The following SLITRK5 variants were observed in gnomAD, a reference collection of about 807,000 sequenced individuals.
The protein encoded by SLITRK5 is SLIT and NTRK like family member 5.
Under a neutral mutation model 56.2 loss-of-function variants are expected in SLITRK5, and 23 were observed. The observed-to-expected ratio is 0.41, with a 90% CI of 0.29 to 0.58. SLITRK5 has a LOEUF of 0.58. SLITRK5 is among the 20% of genes least tolerant of loss of function. The probability of loss-of-function intolerance (pLI) is 0.30; values close to 1 mark genes in which losing one functional copy is unlikely to be tolerated. For missense variants in SLITRK5, 1,289 were observed against 1,226.6 expected, an observed-to-expected ratio of 1.05 and a Z score of -0.76; for synonymous variants, 637 against 531.8, an observed-to-expected ratio of 1.20 and a Z score of -2.72.
At chr13:87,674,919 C>T (rs980567090) in intron 1 of SLITRK5, among the ~76,000 whole-genome samples, 23 of 124,478 alleles carry the variant, frequency 1.8e-4, no homozygotes, top group African/African-American at 5.8e-4. Context: ...GAGACCTTCA[C>T]GGTGAACTGT....
intron 1 of SLITRK5, among the ~76,000 whole-genome samples, chr13:87,675,069 G>A (rs970338528): frequency 1.3e-5 from 2 of 151,650 alleles, no homozygotes; most frequent in Admixed American, 6.6e-5. Flanking sequence ...GTATATTTAT[G>A]GATTGGTTTT....
Position 87,678,086 on chromosome 13 carries a change from C to G in SLITRK5, c.2698C>G (p.Gln900Glu), listed in dbSNP as rs1408605460. The change falls in exon 2 of 2, where the codon CAG (glutamine) becomes GAG (glutamate). Residue 900 changes from glutamine to glutamate, a missense_variant. Transcript: ENST00000683689. ...SPNYDLRRPH[Q>E]YLHPGAGDSR... ...CAACTATGACCTGAGACGCCCCCAT[C>G]AGTATTTGCACCCGGGGGCAGGGGA... 1 of 1,614,066 alleles carries G rather than the reference C, an allele frequency of 6.2e-7. No individual in the cohort carries two copies. The highest frequency in any genetic ancestry group is 2.2e-5 in the East Asian group (1 of 44,888).
chr13:87,671,452 C>G lies in SLITRK5; in HGVS notation c.-766C>G, dbSNP rs532616826. On this transcript the variant is annotated 5_prime_UTR_variant, in exon 1 of 2. Transcript: ENST00000683689. ...AGAGGCGCGACAATAAACAAGTGCA[C>G]TGGACTGGGCCCTGCACCCGCTCCG... Among the ~76,000 whole-genome samples, 22 of 152,244 alleles carry G rather than the reference C, an allele frequency of 1.4e-4. 1 individual carries two copies. The East Asian group carries it at 4.3e-3, about 30-fold the overall frequency.
In SLITRK5 at chr13:87,676,322, T is replaced by A; in HGVS notation, c.934T>A (p.Ser312Thr). ...GGGGTATTTACACACCACCCCGGCG[T>A]CAGTGAATTCTGTGGCCACTTCTTC... ...TTGYLHTTPASVNSVATSSSA... is the reference protein window; with the variant it reads ...TTGYLHTTPATVNSVATSSSA... The change falls in exon 2 of 2, where the codon TCA (serine) becomes ACA (threonine). Residue 312 changes from serine to threonine, a missense_variant. Transcript: ENST00000683689. The A allele has an allele frequency of 6.2e-7, 1 of 1,614,002 alleles. No homozygotes were observed. The highest frequency in any genetic ancestry group is 8.5e-7 in the Non-Finnish European group (1 of 1,180,008).
At position 87,678,333 on chromosome 13, in the gene SLITRK5, A is replaced by T; in HGVS notation, c.*68A>T. ...AAGCAAGCAGACACACACAGTGAAC[A>T]CATTTGATTAATTGTGTTGTTTCAA... On this transcript the variant is annotated 3_prime_UTR_variant, in exon 2 of 2. Transcript: ENST00000683689. 7.2e-7 allele frequency: 1 copy of T among 1,385,608 alleles called. No individual in the cohort carries two copies. Among genetic ancestry groups the T allele is most frequent in the Non-Finnish European group, 9.9e-7 (1 of 1,010,292 alleles). The allele number at this position is 1,385,608 out of a possible 1,614,324, so 85.8% of individuals were successfully genotyped here.
rs149713938 is a variant in SLITRK5 at position 87,671,640 on chromosome 13, C to T, written c.-578C>T. On this transcript the variant is annotated 5_prime_UTR_variant, in exon 1 of 2. Coordinates refer to ENST00000683689, the MANE Select transcript of SLITRK5 (RefSeq NM_001384609.1). Reference sequence around the variant, plus strand: ...GTTGCTGCCCGCCCCCCCCTTCCCCCAGAAACCCCAAAGGATGTCGGTGAT... The same window carrying T: ...GTTGCTGCCCGCCCCCCCCTTCCCCTAGAAACCCCAAAGGATGTCGGTGAT... Among the ~76,000 whole-genome samples the T allele has an allele frequency of 0.012, 1,889 of 152,190 alleles. 26 individuals carry two copies. Among genetic ancestry groups the T allele is most frequent in the Non-Finnish European group, 0.016 (1,122 of 68,008 alleles).
Position 87,677,563 on chromosome 13 carries a change from C to A in SLITRK5, c.2175C>A (p.Gly725=). The change falls in exon 2 of 2, where the codon GGC becomes GGA. Residue 725 remains glycine (G), a synonymous_variant. Transcript: ENST00000683689. This position sits in a 1 kb window ranked among gnomAD's most constrained non-coding sequence, Gnocchi z 4.7. Reference sequence around the variant, plus strand: ...ACGGCGGCGGCGGCGGCACGGGCGGCCACCCACACGCGCACGTGCATCACC... The same window carrying A: ...ACGGCGGCGGCGGCGGCACGGGCGGACACCCACACGCGCACGTGCATCACC... ...SVYGGGGGTG[G]HPHAHVHHRG... The A allele has an allele frequency of 6.2e-7, 1 of 1,608,800 alleles. No individual in the cohort carries two copies. Among genetic ancestry groups the A allele is most frequent in the Non-Finnish European group, 8.5e-7 (1 of 1,176,808 alleles).
chr13:87,674,990 G>A (rs1877206790), intron 1 of SLITRK5, among the ~76,000 whole-genome samples: 1 of 151,712 alleles, frequency 6.6e-6, no homozygotes, highest in Non-Finnish European at 1.5e-5. Flanking sequence ...GTGAGGTGGG[G>A]AACCTTGTAA....
In SLITRK5 at chr13:87,676,231, G is replaced by A. The variant is rs1487550431; in HGVS notation, c.843G>A (p.Gln281=). 1.2e-6 allele frequency: 2 copies of A among 1,614,136 alleles called. No homozygotes were observed. The highest frequency in any genetic ancestry group is 1.7e-6 in the Non-Finnish European group (2 of 1,180,032). The change falls in exon 2 of 2, where the codon CAG becomes CAA. Residue 281 remains glutamine (Q), a synonymous_variant. Transcript: ENST00000683689. ...HGRDLDEVSK[Q]ELCPRRLISD... is the part of the protein sequence containing the mutation. ...GGGACTTGGACGAGGTATCCAAGCA[G>A]GAACTTTGCCCAAGGAGACTTATTT...
At chr13:87,673,640 G>T (rs1031647049) in intron 1 of SLITRK5, 62 of 632,892 alleles carry the variant, frequency 9.8e-5, no homozygotes, top group South Asian at 8.1e-4. Flanking sequence ...GACGTTTACC[G>T]TTGCGTTGGG....
rs1037729346 is a variant in SLITRK5 at position 87,678,774 on chromosome 13, CCTT to C, written c.*512_*514del. 6.0e-6 allele frequency: 1 copy of C among 166,286 alleles called. No individual in the cohort carries two copies. The highest frequency in any genetic ancestry group is 1.5e-5 in the Non-Finnish European group (1 of 68,664). 10.3% of individuals were successfully genotyped at this position (166,286 alleles called of 1,614,324 possible). On this transcript the variant is annotated 3_prime_UTR_variant, in exon 2 of 2. Coordinates refer to ENST00000683689, the MANE Select transcript of SLITRK5 (RefSeq NM_001384609.1). ...ATTTGTTCTCTTTTTCCGCCCCTCT[CCTT>C]CTCTCCTCCCCTCCCCTCCCTTCTC... is the stretch of plus-strand genomic sequence containing the variant.
At position 87,676,810 on chromosome 13, in the gene SLITRK5, G is replaced by A. The variant is rs768262602; in HGVS notation, c.1422G>A (p.Pro474=). The A allele has an allele frequency of 1.9e-6, 3 of 1,614,078 alleles. No individual in the cohort carries two copies. The highest frequency in any genetic ancestry group is 1.7e-5 in the Admixed American group (1 of 60,012). ...LNGNRIERLS[P]ELFYGLQSLQ... is the part of the protein sequence containing the mutation. ...GCAACAGGATCGAGAGGCTGAGCCC[G>A]GAGTTATTCTATGGCCTGCAGAGCC... is the stretch of plus-strand genomic sequence containing the variant. The change falls in exon 2 of 2, where the codon CCG becomes CCA. Residue 474 remains proline (P), a synonymous_variant. Coordinates refer to ENST00000683689, the MANE Select transcript of SLITRK5 (RefSeq NM_001384609.1).
Position 87,678,262 on chromosome 13 carries a change from C to T in SLITRK5, c.2874C>T (p.Phe958=), listed in dbSNP as rs763200170. Reference sequence around the variant, plus strand: ...AAAAACAGACCACGTTTAGCCAGTTCTAAAAGCAAAGAAACTCTCTTGGAG... The same window carrying T: ...AAAAACAGACCACGTTTAGCCAGTTTTAAAAGCAAAGAAACTCTCTTGGAG... ...VLEKQTTFSQ[F] Residue 958 remains phenylalanine (F), a synonymous_variant, in exon 2 of 2, where the codon TTC becomes TTT. Transcript: ENST00000683689. 30 of 1,598,726 alleles carry T rather than the reference C, an allele frequency of 1.9e-5. No homozygotes were observed. The South Asian group carries it at 3.1e-4, about 17-fold the overall frequency.
Position 87,676,669 on chromosome 13 carries a change from A to T in SLITRK5, c.1281A>T (p.Thr427=), listed in dbSNP as rs528857665. Residue 427 remains threonine (T), a synonymous_variant, in exon 2 of 2, where the codon ACA becomes ACT. Transcript: ENST00000683689. ...ACTACATCGCTGTCGTGCGCAGGAC[A>T]GACTTCCTGGAGGCCACGGGGCTGG... ...TENYIAVVRR[T]DFLEATGLDL... 6.2e-7 allele frequency: 1 copy of T among 1,614,092 alleles called. No homozygotes were observed. The highest frequency in any genetic ancestry group is 1.3e-5 in the African/African-American group (1 of 75,052).
rs1377185185 is a variant in SLITRK5, at chr13:87,677,691, G to A, written c.2303G>A (p.Arg768Gln). 2 of 1,605,702 alleles carry A rather than the reference G, an allele frequency of 1.2e-6. No individual in the cohort carries two copies. The highest frequency in any genetic ancestry group is 2.2e-5 in the East Asian group (1 of 44,582). Residue 768 changes from arginine to glutamine, a missense_variant, in exon 2 of 2, where the codon CGA becomes CAA. Around this residue, in one of 3 missense-constraint regions of SLITRK5, gnomAD observed 985 missense variants for 906.0 expected, o/e 1.09. Coordinates refer to ENST00000683689, the MANE Select transcript of SLITRK5 (RefSeq NM_001384609.1). The surrounding 1 kb of genome is among the most constrained non-coding windows in gnomAD (Gnocchi z 4.7). ...HMCKNPIYRS[R>Q]EGNSVEDYKD... ...TGCAAAAACCCCATCTACCGCTCCCGAGAGGGCAACTCCGTAGAGGATTAC... is the reference window on the plus strand; with the variant it reads ...TGCAAAAACCCCATCTACCGCTCCCAAGAGGGCAACTCCGTAGAGGATTAC...
rs1249632318 is a variant in SLITRK5, at chr13:87,676,949, C to T, written c.1561C>T (p.Pro521Ser). 2 of 1,614,174 alleles carry T rather than the reference C, an allele frequency of 1.2e-6. No homozygotes were observed. The highest frequency in any genetic ancestry group is 2.2e-5 in the South Asian group (2 of 91,080). ...GAATAACAACCTCCTGCAGGCCATGCCCTCAGGCGTCTTCTCTGGCTTGAC... is the reference window on the plus strand; with the variant it reads ...GAATAACAACCTCCTGCAGGCCATGTCCTCAGGCGTCTTCTCTGGCTTGAC... Reference protein sequence around the residue: ...FLNNNLLQAMPSGVFSGLTLL... With the variant: ...FLNNNLLQAMSSGVFSGLTLL... The change falls in exon 2 of 2, where the codon CCC (proline) becomes TCC (serine). Residue 521 changes from proline (P) to serine (S), a missense_variant. Physicochemically the swap from Pro to Ser is moderately conservative, Grantham distance 74. Coordinates refer to ENST00000683689, the MANE Select transcript of SLITRK5 (RefSeq NM_001384609.1).
At chr13:87,672,326 G>C (rs1877068262) in intron 1 of SLITRK5, among the ~76,000 whole-genome samples, 117 bp downstream of exon 1, 1 of 152,196 alleles carries the variant, frequency 6.6e-6, no homozygotes, top group African/African-American at 2.4e-5. Flanking sequence ...GGGTGCGAGC[G>C]CTCGGCGGGG....
Position 87,677,353 on chromosome 13 carries a change from C to G in SLITRK5, c.1965C>G (p.Gly655=). 6.2e-7 allele frequency: 1 copy of G among 1,614,044 alleles called. No individual in the cohort carries two copies. Among genetic ancestry groups the G allele is most frequent in the Non-Finnish European group, 8.5e-7 (1 of 1,179,998 alleles). ...GGGCCCCCGCGAGCTTGGGCGCAGG[C>G]GGAGGGGCGTCGTCGGTGCCCTTGT... The part of the protein sequence containing the change: ...STGAPASLGA[G]GGASSVPLSV... The change falls in exon 2 of 2, where the codon GGC becomes GGG. Residue 655 remains glycine (G), a synonymous_variant. Transcript: ENST00000683689. This position sits in a 1 kb window ranked among gnomAD's most constrained non-coding sequence, Gnocchi z 4.7.
At chr13:87,673,201 G>GA (rs35721482) in intron 1 of SLITRK5, among the ~76,000 whole-genome samples, 1,596 of 139,142 alleles carry the variant, frequency 0.011, 24 homozygotes, top group African/African-American at 0.038. Flanking sequence ...CGCCCTCCAG[G>GA]AAAAAAAAAA....
Sources: gnomAD v4.1 joint callset for allele counts (sites outside exome capture counted in the v4.1 genomes callset) on GRCh38, gnomAD v4.1.1 for gene constraint, gnomAD v4.1.1 regional missense constraint, Gnocchi (gnomAD v3.1) non-coding constraint, MANE v1.5 for transcripts, NCBI Gene and HGNC (gene_info 2026-07-23, HGNC 2026-07-21) for gene names.